ZNF804B: variants seen among roughly 807,000 people sequenced by gnomAD.
ZNF804B encodes zinc finger protein 804B.
In ZNF804B, 80 loss-of-function variants were observed where a neutral mutation model predicts 101.4. The observed-to-expected ratio is 0.79, with a 90% confidence interval of 0.66 to 0.95. ZNF804B has a LOEUF of 0.95. Ranked by LOEUF, ZNF804B falls within the 40% of genes least tolerant of loss-of-function variation. The pLI is 0.00. For missense variants in ZNF804B, 1,673 were observed against 1,561.9 expected (o/e 1.07, Z -1.20); for synonymous variants, 622 against 558.8 (o/e 1.11, Z -1.59).
chr7:88,934,593 A>C (rs1252947286), intron 1 of ZNF804B, among the ~76,000 whole-genome samples: 1 of 152,006 alleles, frequency 6.6e-6, no homozygotes, highest in East Asian at 1.9e-4. Flanking sequence ...ATATGAATAG[A>C]CAATTCTCAA....
At chr7:88,805,229 A>T (rs1178034389) in intron 1 of ZNF804B, among the ~76,000 whole-genome samples, 3 of 152,186 alleles carry the variant, frequency 2.0e-5, no homozygotes, top group Non-Finnish European at 4.4e-5. Flanking sequence ...CAAATATGCA[A>T]TGAGGGTCTA....
Position 88,766,005 on chromosome 7 carries a change from A to G in ZNF804B, c.108+5921A>G, listed in dbSNP as rs75288175. On this transcript the variant is annotated intron_variant, in intron 1 of 3. Transcript: ENST00000333190. The stretch of plus-strand genomic sequence containing the variant: ...ACTTAATTGAAGATAAAAAAACACA[A>G]AAGAGTATTATGGTGTTTAAATTGG... Among the ~76,000 whole-genome samples the G allele has an allele frequency of 2.1e-3, 327 of 152,276 alleles. 10 individuals carry two copies. In the East Asian group the frequency reaches 0.043, roughly 20 times the overall value.
intron 1 of ZNF804B, among the ~76,000 whole-genome samples, chr7:89,176,162 C>T (rs564520214): frequency 1.1e-4 from 17 of 151,894 alleles, no homozygotes; most frequent in Non-Finnish European, 2.1e-4. Flanking sequence ...CTTTCAGTTT[C>T]TCCCCATTCA....
At chr7:89,276,932 A>G (rs1789989827) in intron 2 of ZNF804B, among the ~76,000 whole-genome samples, 1 of 151,594 alleles carries the variant, frequency 6.6e-6, no homozygotes, top group African/African-American at 2.4e-5. Flanking sequence ...CCTCCTTCTG[A>G]AAAATATTAT....
chr7:89,222,974 C>T (rs1192963499), intron 2 of ZNF804B, among the ~76,000 whole-genome samples: 1 of 151,780 alleles, frequency 6.6e-6, no homozygotes, highest in East Asian at 1.9e-4. Context: ...TTGAAAATTA[C>T]CTCAATTTTG....
At chr7:88,888,827 C>T (rs559970561) in intron 1 of ZNF804B, among the ~76,000 whole-genome samples, 7 of 152,140 alleles carry the variant, frequency 4.6e-5, no homozygotes, top group East Asian at 1.9e-4. Context: ...TCACAAGACA[C>T]TTACCGGTTT....
intron 1 of ZNF804B, among the ~76,000 whole-genome samples, chr7:88,868,783 C>A (rs1383507943): frequency 6.6e-6 from 1 of 152,114 alleles, no homozygotes; most frequent in Non-Finnish European, 1.5e-5. Flanking sequence ...TAAGTCAAAC[C>A]CAGGTTTCAG....
intron 1 of ZNF804B, among the ~76,000 whole-genome samples, chr7:89,209,045 C>T (rs1788762746): frequency 6.6e-6 from 1 of 151,746 alleles, no homozygotes. Context: ...ATAATAATCC[C>T]TGTTCAATTG....
intron 1 of ZNF804B, among the ~76,000 whole-genome samples, chr7:89,089,083 T>C (rs1789847370): frequency 6.7e-6 from 1 of 149,586 alleles, no homozygotes; most frequent in African/African-American, 2.5e-5. Flanking sequence ...CTAGGGAGTC[T>C]AAGGAGAGCT....
At chr7:89,176,048 T>G (rs550910742) in intron 1 of ZNF804B, among the ~76,000 whole-genome samples, 5 of 152,136 alleles carry the variant, frequency 3.3e-5, no homozygotes, top group African/African-American at 9.6e-5. Context: ...GGCTCTCAAT[T>G]TCTTTCTCAT....
chr7:88,937,389 T>G (rs1016411152), intron 1 of ZNF804B, among the ~76,000 whole-genome samples: 1 of 152,108 alleles, frequency 6.6e-6, no homozygotes, highest in Non-Finnish European at 1.5e-5. Context: ...GCTTATTCTT[T>G]GCTCTGAATA....
At chr7:88,786,930 G>T (rs1392841648) in intron 1 of ZNF804B, among the ~76,000 whole-genome samples, 1 of 152,088 alleles carries the variant, frequency 6.6e-6, no homozygotes, top group African/African-American at 2.4e-5. Flanking sequence ...TTTACAAGTT[G>T]CTGGCAGGAA....
chr7:88,891,888 G>A (rs1792220259), intron 1 of ZNF804B, among the ~76,000 whole-genome samples: 1 of 151,684 alleles, frequency 6.6e-6, no homozygotes, highest in Non-Finnish European at 1.5e-5. Flanking sequence ...CCTACCCCAC[G>A]ACAGGCCCTG....
At chr7:89,101,374 A>G (rs1790052934) in intron 1 of ZNF804B, among the ~76,000 whole-genome samples, 1 of 151,866 alleles carries the variant, frequency 6.6e-6, no homozygotes, top group Non-Finnish European at 1.5e-5. Flanking sequence ...TTTTTATAAA[A>G]CTCTCAAAGT....
intron 1 of ZNF804B, among the ~76,000 whole-genome samples, chr7:88,828,720 G>A (rs923409927): frequency 2.0e-5 from 3 of 152,132 alleles, no homozygotes; most frequent in African/African-American, 7.2e-5. Context: ...CATCTATTGA[G>A]ATGATCATAT....
In ZNF804B at chr7:89,265,291, T is replaced by TGTGTGTGTGTGTGTGC. The variant is rs1554386380; in HGVS notation, c.249+46999_249+47000insTGTGTGTGTGTGCGTG. ...GTGTGTGTGTGTGTGTGTGTGTGTG[T>TGTGTGTGTGTGTGTGC]GTGCGCGTGCGCGCGCGCACACATG... On this transcript the variant is annotated intron_variant, in intron 2 of 3. Coordinates refer to ENST00000333190, the MANE Select transcript of ZNF804B (RefSeq NM_181646.5). 4.8e-3 allele frequency among the ~76,000 whole-genome samples: 306 copies of TGTGTGTGTGTGTGTGC among 63,724 alleles called. 2 individuals carry two copies. Among genetic ancestry groups the TGTGTGTGTGTGTGTGC allele is most frequent in the African/African-American group, 0.017 (283 of 16,708 alleles). 41.8% of individuals were successfully genotyped at this position (63,724 alleles called of 152,430 possible).
At chr7:89,002,738 C>T (rs1451937712) in intron 1 of ZNF804B, among the ~76,000 whole-genome samples, 1 of 151,788 alleles carries the variant, frequency 6.6e-6, no homozygotes, top group Non-Finnish European at 1.5e-5. Context: ...ATAGTATCTT[C>T]AAGCTGGCTC....
At chr7:89,061,899 C>T (rs1038268925) in intron 1 of ZNF804B, among the ~76,000 whole-genome samples, 5 of 152,078 alleles carry the variant, frequency 3.3e-5, no homozygotes, top group Admixed American at 2.6e-4. Context: ...CCAATCACCT[C>T]CTCTTCTGTA....
intron 1 of ZNF804B, among the ~76,000 whole-genome samples, chr7:89,047,771 G>T (rs985153841): frequency 2.0e-5 from 3 of 152,208 alleles, no homozygotes; most frequent in Admixed American, 2.0e-4. Flanking sequence ...CAGAAGGCAT[G>T]AACACCCTCA....
Sources: gnomAD v4.1 joint callset for allele counts (sites outside exome capture counted in the v4.1 genomes callset) on GRCh38, gnomAD v4.1.1 for gene constraint, MANE v1.5 for transcripts, NCBI Gene and HGNC (gene_info 2026-07-23, HGNC 2026-07-21) for gene names.